WASHC5: variants seen among roughly 807,000 people sequenced by gnomAD.
WASHC5 encodes the protein WASH complex subunit 5.
A neutral mutation model predicts 150.4 loss-of-function variants in WASHC5; 101 were observed. The ratio of observed to expected loss-of-function variants is 0.67; its 90% CI spans 0.57 to 0.79. The LOEUF (loss-of-function observed/expected upper bound fraction) is 0.79. Among genes scored for constraint, WASHC5 ranks in the 30% least tolerant of loss-of-function variants. The probability of loss-of-function intolerance (pLI) is 0.00; values close to 1 mark genes in which losing one functional copy is unlikely to be tolerated. For missense variants in WASHC5, 1,195 were observed against 1,396.3 expected, an observed-to-expected ratio of 0.86 and a Z score of 2.30; for synonymous variants, 467 against 491.2, an observed-to-expected ratio of 0.95 and a Z score of 0.65.
At chr8:125,070,943 T>C (rs1005108004) in intron 9 of WASHC5, among the ~76,000 whole-genome samples, 1 of 152,198 alleles carries the variant, frequency 6.6e-6, no homozygotes, top group African/African-American at 2.4e-5. Context: ...AAGCAGACGG[T>C]AGCTAGAAGG....
At chr8:125,083,087 T>G (rs1441979381) in intron 3 of WASHC5, 26 bp downstream of exon 3, 1 of 1,386,666 alleles carries the variant, frequency 7.2e-7, no homozygotes, top group Non-Finnish European at 1.0e-6. Context: ...ACTACCAGAA[T>G]AAGCTATTCC....
chr8:125,091,057 CTG>C (rs1229067646), intron 1 of WASHC5, among the ~76,000 whole-genome samples: 2 of 152,040 alleles, frequency 1.3e-5, no homozygotes, highest in Non-Finnish European at 2.9e-5. Flanking sequence ...TTTTATGGCT[CTG>C]TGACTTTTTT....
intron 20 of WASHC5, 176 bp from the exon 21 acceptor site, chr8:125,044,874 C>A: frequency 1.4e-6 from 1 of 694,464 alleles, no homozygotes; most frequent in South Asian, 1.6e-5. Context: ...CCCAATGGAA[C>A]AGGAAGGTAA....
chr8:125,079,102 A>ATGTG (rs1225633373), intron 5 of WASHC5, among the ~76,000 whole-genome samples, 172 bp from the exon 6 acceptor site: 1 of 88,694 alleles, frequency 1.1e-5, no homozygotes, highest in South Asian at 3.7e-4. Context: ...GTGTATATAT[A>ATGTG]TGTGTGTGTG....
At chr8:125,059,350 A>G (rs375900585) in intron 13 of WASHC5, 26 bp downstream of exon 13, 199 of 1,613,884 alleles carry the variant, frequency 1.2e-4, no homozygotes, top group Non-Finnish European at 1.7e-4. Flanking sequence ...TTTCATCTAC[A>G]GCAAATGTCA....
At chr8:125,060,226 C>T (rs2130102474) in intron 12 of WASHC5, among the ~76,000 whole-genome samples, 1 of 151,912 alleles carries the variant, frequency 6.6e-6, no homozygotes, top group Non-Finnish European at 1.5e-5. Flanking sequence ...GTGGCTCATG[C>T]CTGTAATCCC....
At position 125,039,840 on chromosome 8, in the gene WASHC5, C is replaced by T. The variant is rs755858522; in HGVS notation, c.2909G>A (p.Arg970Gln). Residue 970 changes from arginine (R) to glutamine (Q), a missense_variant, in exon 24 of 29, where the codon CGG becomes CAG. Physicochemically the swap from Arg to Gln is conservative, Grantham distance 43. Around this residue, in one of 3 missense-constraint regions of WASHC5, gnomAD observed 997 missense variants for 1,168.1 expected, o/e 0.85. Transcript: ENST00000318410. Reference protein sequence around the residue: ...QIANELNYSCRFDSKHLAAAL... With the variant: ...QIANELNYSCQFDSKHLAAAL... ...AGCTGCCAGATGTTTAGAATCAAAC[C>T]GACAAGAATAATTTAATTCATTGGC... The T allele has an allele frequency of 2.0e-5, 33 of 1,613,816 alleles. No homozygotes were observed. Among genetic ancestry groups the T allele is most frequent in the East Asian group, 2.2e-5 (1 of 44,876 alleles).
intron 1 of WASHC5, among the ~76,000 whole-genome samples, chr8:125,089,634 A>T (rs1055222593): frequency 3.9e-5 from 6 of 152,214 alleles, no homozygotes; most frequent in Non-Finnish European, 5.9e-5. Flanking sequence ...AAGCAAAGTA[A>T]CATTACTTGC....
intron 20 of WASHC5, 112 bp downstream of exon 20, chr8:125,047,095 G>A (rs1816090217): frequency 1.5e-6 from 2 of 1,313,532 alleles, no homozygotes; most frequent in Admixed American, 3.4e-5. Flanking sequence ...CAGAATATGA[G>A]TTGACAAGTG....
rs1211895824 is a variant in WASHC5 at position 125,073,164 on chromosome 8, G to A, written c.1139C>T (p.Thr380Ile). 1.2e-6 allele frequency: 2 copies of A among 1,614,136 alleles called. No individual in the cohort carries two copies. Among genetic ancestry groups the A allele is most frequent in the Non-Finnish European group, 1.7e-6 (2 of 1,179,980 alleles). Residue 380 changes from threonine to isoleucine, a missense_variant, in exon 9 of 29, where the codon ACA becomes ATA. This residue lies in a region of WASHC5 where 997 missense variants were observed against 1,168.1 expected (regional missense o/e 0.85). Coordinates refer to ENST00000318410, the MANE Select transcript of WASHC5 (RefSeq NM_014846.4). ...CTTTTGTGCATTACCTGAGTCTGCTGTATGAAGCATCAGCCATCGGATGGC... is the reference window on the plus strand; with the variant it reads ...CTTTTGTGCATTACCTGAGTCTGCTATATGAAGCATCAGCCATCGGATGGC... ...NVAIRWLMLH[T>I]ADSACDPNNK...
At chr8:125,064,388 T>A (rs1373191238) in intron 10 of WASHC5, among the ~76,000 whole-genome samples, 2 of 140,988 alleles carry the variant, frequency 1.4e-5, no homozygotes, top group African/African-American at 3.0e-5. Flanking sequence ...TTTATTTATT[T>A]TTTTTTTTTT....
At chr8:125,050,473 G>A in intron 18 of WASHC5, 91 bp downstream of exon 18, 1 of 810,052 alleles carries the variant, frequency 1.2e-6, no homozygotes, top group Non-Finnish European at 2.2e-6. Context: ...TAGGAGGTAA[G>A]GTCTTGTTCG....
intron 23 of WASHC5, among the ~76,000 whole-genome samples, chr8:125,043,458 C>G (rs1815955444): frequency 6.6e-6 from 1 of 152,186 alleles, no homozygotes; most frequent in African/African-American, 2.4e-5. Flanking sequence ...ATGTTCTGTT[C>G]TAACAGCAGC....
Position 125,063,573 on chromosome 8 carries a change from G to C in WASHC5, c.1357C>G (p.Leu453Val). 4 of 1,613,904 alleles carry C rather than the reference G, an allele frequency of 2.5e-6. No individual in the cohort carries two copies. The highest frequency in any genetic ancestry group is 3.4e-6 in the Non-Finnish European group (4 of 1,179,846). Residue 453 changes from leucine (L) to valine (V), a missense_variant, in exon 11 of 29, where the codon CTT becomes GTT. Physicochemically the swap from Leu to Val is conservative, Grantham distance 32. Transcript: ENST00000318410. ...TTCACTCCTGAAAAGACATCAGCAAGCTCAGTCATCCGCTCCGAACCCTCT... is the reference window on the plus strand; with the variant it reads ...TTCACTCCTGAAAAGACATCAGCAACCTCAGTCATCCGCTCCGAACCCTCT... ...KKEGSERMTE[L>V]ADVFSGVKPL...
At position 125,051,747 on chromosome 8, in the gene WASHC5, C is replaced by T. The variant is rs141008051; in HGVS notation, c.2098-1082G>A. 1.9e-4 allele frequency among the ~76,000 whole-genome samples: 29 copies of T among 152,254 alleles called. No individual in the cohort carries two copies. In the East Asian group the frequency reaches 4.4e-3, roughly 23 times the overall value. The stretch of plus-strand genomic sequence containing the variant: ...TACTAAAAATACAAAATTAGTCGGG[C>T]GTGGTGGCACATGCCTGTTGTCCCA... On this transcript the variant is annotated intron_variant, in intron 17 of 28. Transcript: ENST00000318410.
At chr8:125,073,812 C>T (rs867399961) in intron 8 of WASHC5, among the ~76,000 whole-genome samples, 4 of 152,196 alleles carry the variant, frequency 2.6e-5, no homozygotes, top group Non-Finnish European at 4.4e-5. Context: ...TGGGGCTTAA[C>T]CCCTGTGTAT....
At chr8:125,069,127 T>C (rs1266947202) in intron 9 of WASHC5, among the ~76,000 whole-genome samples, 2 of 151,982 alleles carry the variant, frequency 1.3e-5, no homozygotes, top group Admixed American at 1.3e-4. Context: ...GGGTCCACCC[T>C]CATGAATGGA....
chr8:125,050,522 C>T, intron 18 of WASHC5, 42 bp downstream of exon 18: 1 of 1,400,848 alleles, frequency 7.1e-7, no homozygotes. Context: ...ATGCTGCAAG[C>T]TGGGCGGAGA....
At position 125,046,895 on chromosome 8, in the gene WASHC5, T is replaced by C. The variant is rs146362951; in HGVS notation, c.2504+312A>G. Among the ~76,000 whole-genome samples the C allele has an allele frequency of 3.9e-5, 6 of 152,142 alleles. No individual in the cohort carries two copies. In the East Asian group the frequency reaches 1.2e-3, roughly 29 times the overall value. ...ATGCTCCTATGAGAATCTAGTACTT[T>C]GGGAGAATCTAGCACGCTCCTATGA... On this transcript the variant is annotated intron_variant, in intron 20 of 28. Coordinates refer to ENST00000318410, the MANE Select transcript of WASHC5 (RefSeq NM_014846.4).
Sources: gnomAD v4.1 joint callset for allele counts (sites outside exome capture counted in the v4.1 genomes callset) on GRCh38, gnomAD v4.1.1 for gene constraint, gnomAD v4.1.1 regional missense constraint, MANE v1.5 for transcripts, NCBI Gene and HGNC (gene_info 2026-07-23, HGNC 2026-07-21) for gene names.